ARHGAP10: variants seen among roughly 807,000 people sequenced by gnomAD.
ARHGAP10 encodes rho GTPase-activating protein 10.
In ARHGAP10, 87 loss-of-function variants were observed where a neutral mutation model predicts 108.6. That is an observed-to-expected ratio of 0.80 (90% CI 0.67 to 0.96). The LOEUF (loss-of-function observed/expected upper bound fraction) is 0.96, where lower values mean the gene tolerates loss of function less well. ARHGAP10 is among the 40% of genes least tolerant of loss of function. The pLI is 0.00. For synonymous variants in ARHGAP10, 347 were observed against 341.1 expected (o/e 1.02, Z -0.19); for missense variants, 939 against 954.5 (o/e 0.98, Z 0.21).
At chr4:148,046,044 G>T (rs1214191703) in intron 19 of ARHGAP10, among the ~76,000 whole-genome samples, 2 of 152,336 alleles carry the variant, frequency 1.3e-5, no homozygotes, top group African/African-American at 4.8e-5. Flanking sequence ...GGGGACTGAG[G>T]ATTAGGCCAA....
chr4:147,887,401 G>C lies in ARHGAP10; in HGVS notation c.1034+5469G>C, dbSNP rs1484550757. ...TTTCTTTCTTGTTAACATTAGTTTT[G>C]GCTCCCGGCAGCAAGTGAAATGCTC... is the stretch of plus-strand genomic sequence containing the variant. On this transcript the variant is annotated intron_variant, in intron 10 of 22. Coordinates refer to ENST00000336498, the MANE Select transcript of ARHGAP10 (RefSeq NM_024605.4). Among the ~76,000 whole-genome samples the C allele has an allele frequency of 1.0e-4, 15 of 150,710 alleles. No individual in the cohort carries two copies. In the Admixed American group the frequency reaches 1.0e-3, roughly 10 times the overall value.
chr4:147,750,418 T>C (rs1729092683), intron 1 of ARHGAP10, among the ~76,000 whole-genome samples: 1 of 152,064 alleles, frequency 6.6e-6, no homozygotes, highest in South Asian at 2.1e-4. Context: ...TAATTCAGCT[T>C]TGTGTGTGTG....
chr4:148,017,614 A>G (rs1741393182), intron 18 of ARHGAP10, among the ~76,000 whole-genome samples: 1 of 147,666 alleles, frequency 6.8e-6, no homozygotes, highest in Non-Finnish European at 1.5e-5. Context: ...AAGCATCCCA[A>G]CATTATAATG....
intron 1 of ARHGAP10, among the ~76,000 whole-genome samples, chr4:147,762,118 C>G (rs983389090): frequency 6.6e-6 from 1 of 152,152 alleles, no homozygotes; most frequent in Non-Finnish European, 1.5e-5. Flanking sequence ...AGCTATTCTC[C>G]TGCTTCAGCC....
chr4:147,913,103 A>G lies in ARHGAP10; in HGVS notation c.1192A>G (p.Ile398Val), dbSNP rs373428584. Residue 398 changes from isoleucine (I) to valine (V), a missense_variant, in exon 13 of 23, where the codon ATT becomes GTT. Coordinates refer to ENST00000336498, the MANE Select transcript of ARHGAP10 (RefSeq NM_024605.4). Reference protein sequence around the residue: ...NAQLDKMGFTIIRKCISAVET... With the variant: ...NAQLDKMGFTVIRKCISAVET... The stretch of plus-strand genomic sequence containing the variant: ...ACAGTTGGATAAGATGGGGTTCACA[A>G]TTATCAGAAAATGCATCAGTGCCGT... 2.5e-5 allele frequency: 40 copies of G among 1,613,876 alleles called. No homozygotes were observed. Among genetic ancestry groups the G allele is most frequent in the Non-Finnish European group, 3.2e-5 (38 of 1,179,908 alleles).
chr4:147,911,994 CGTGTGTGTGTGTGTGTGTGTGTGTGTGT>C (rs36217593), intron 12 of ARHGAP10, among the ~76,000 whole-genome samples: 1 of 135,434 alleles, frequency 7.4e-6, no homozygotes, highest in Non-Finnish European at 1.5e-5. Flanking sequence ...AGAACATTCA[CGTGTGTGTGTGTGTGTGTGTGTGTGTGT>C]GTGTGTGTGT....
intron 18 of ARHGAP10, among the ~76,000 whole-genome samples, chr4:147,972,322 A>T (rs866986680): frequency 1.2e-4 from 19 of 152,126 alleles, no homozygotes; most frequent in Middle Eastern, 3.2e-3. Context: ...TACACTTAAA[A>T]ATATATATAT....
At chr4:147,787,106 T>C (rs972120980) in intron 1 of ARHGAP10, among the ~76,000 whole-genome samples, 2 of 152,172 alleles carry the variant, frequency 1.3e-5, no homozygotes, top group African/African-American at 4.8e-5. Context: ...TAGTCATATC[T>C]CCTCAGCAGA....
chr4:148,055,654 C>T (rs1052145247), intron 20 of ARHGAP10, among the ~76,000 whole-genome samples: 3 of 152,190 alleles, frequency 2.0e-5, no homozygotes, highest in Admixed American at 6.5e-5. Context: ...CGCCACTGCA[C>T]TCCAGCCTGA....
At chr4:147,938,100 GTAATGCAGGAATAGA>G (rs1286891186) in intron 13 of ARHGAP10, among the ~76,000 whole-genome samples, 1 of 152,130 alleles carries the variant, frequency 6.6e-6, no homozygotes, top group Admixed American at 6.5e-5. Context: ...CCTTAGCAAA[GTAATGCAGGAATAGA>G]AAACCAAACA....
intron 4 of ARHGAP10, among the ~76,000 whole-genome samples, chr4:147,852,987 T>A (rs1455652734): frequency 6.6e-6 from 1 of 152,210 alleles, no homozygotes; most frequent in Non-Finnish European, 1.5e-5. Context: ...CACAACACTT[T>A]TAATATTAAA....
At chr4:148,040,487 G>A (rs1290592102) in intron 19 of ARHGAP10, among the ~76,000 whole-genome samples, 2 of 151,968 alleles carry the variant, frequency 1.3e-5, no homozygotes, top group African/African-American at 2.4e-5. Context: ...GATTACAGGC[G>A]TGCACCACCA....
intron 1 of ARHGAP10, among the ~76,000 whole-genome samples, chr4:147,756,434 C>T (rs925703336): frequency 2.0e-5 from 3 of 152,206 alleles, no homozygotes; most frequent in Non-Finnish European, 4.4e-5. Flanking sequence ...TTCAGTTAAT[C>T]AGCAGGTCTT....
intron 1 of ARHGAP10, among the ~76,000 whole-genome samples, chr4:147,798,570 A>G (rs892407625): frequency 6.6e-6 from 1 of 151,550 alleles, no homozygotes; most frequent in African/African-American, 2.4e-5. Flanking sequence ...ACTTGAGTCC[A>G]GGAGTTTGTG....
chr4:148,014,045 AC>A (rs1190043712), intron 18 of ARHGAP10, among the ~76,000 whole-genome samples: 4 of 152,198 alleles, frequency 2.6e-5, no homozygotes, highest in Non-Finnish European at 5.9e-5. Flanking sequence ...GAGAAAAGGA[AC>A]CTCAAAAGAA....
chr4:147,934,048 T>C (rs2126953270), intron 13 of ARHGAP10, among the ~76,000 whole-genome samples: 1 of 152,268 alleles, frequency 6.6e-6, no homozygotes, highest in South Asian at 2.1e-4. Context: ...CAGCTCTGAG[T>C]TGGGACCTTG....
rs544180555 is a variant in ARHGAP10 at position 147,881,632 on chromosome 4, C to G, written c.940-206C>G. Among the ~76,000 whole-genome samples, 7 of 152,218 alleles carry G rather than the reference C, an allele frequency of 4.6e-5. No individual in the cohort carries two copies. The East Asian group carries it at 1.2e-3, about 25-fold the overall frequency. On this transcript the variant is annotated intron_variant, in intron 9 of 22. Transcript: ENST00000336498. ...CAGCCTGGGTGAAAGAGCGAGGCTC[C>G]CTTCTCAAAAGAATCAGGAGAATGA...
intron 13 of ARHGAP10, among the ~76,000 whole-genome samples, chr4:147,934,492 C>T (rs377433744): frequency 5.9e-5 from 9 of 152,300 alleles, no homozygotes; most frequent in South Asian, 2.1e-4. Flanking sequence ...CTCCTCTATC[C>T]GTTAACGCTT....
chr4:147,955,381 A>G lies in ARHGAP10; in HGVS notation c.1450+7A>G, dbSNP rs1337212621. 2 of 1,608,954 alleles carry G rather than the reference A, an allele frequency of 1.2e-6. No homozygotes were observed. The highest frequency in any genetic ancestry group is 1.7e-6 in the Non-Finnish European group (2 of 1,176,086). On this transcript the variant is annotated splice_region_variant and intron_variant, in intron 16 of 22. Transcript: ENST00000336498. Reference sequence around the variant, plus strand: ...GATTTCATTGTTCCAGCCAGTAAGTATTATGTAAAGGTATATAGGAACAGT... The same window carrying G: ...GATTTCATTGTTCCAGCCAGTAAGTGTTATGTAAAGGTATATAGGAACAGT...
Sources: allele counts gnomAD v4.1 joint callset (sites outside exome capture counted in the v4.1 genomes callset), GRCh38; gene constraint gnomAD v4.1.1; transcripts MANE v1.5; gene names NCBI Gene and HGNC (gene_info 2026-07-23, HGNC 2026-07-21).